Variants in RDM1 observed in about 807,000 individuals in gnomAD.
RDM1 encodes RAD52 motif containing 1, also known as RAD52 motif-containing protein 1.
Under a neutral mutation model 27.7 loss-of-function variants are expected in RDM1, and 28 were observed. That is an observed-to-expected ratio of 1.01 (90% confidence interval 0.75 to 1.39). The LOEUF (loss-of-function observed/expected upper bound fraction) is 1.39, where lower values mean the gene tolerates loss of function less well. RDM1 is among the 40% of genes most tolerant of loss of function. The probability of loss-of-function intolerance (pLI) is 0.00; values close to 1 mark genes in which losing one functional copy is unlikely to be tolerated. For missense variants in RDM1, 277 were observed against 337.3 expected (o/e 0.82, Z 1.40); for synonymous variants, 124 against 127.5 (o/e 0.97, Z 0.19).
chr17:35,918,366 C>T lies in RDM1; in HGVS notation c.831G>A (p.Glu277=). Residue 277 remains glutamate (E), a synonymous_variant, in exon 7 of 7, where the codon GAG becomes GAA. Transcript: ENST00000620284. ...YLSDFSLEEE[E]FRLPELD is the part of the protein sequence containing the mutation. ...GCTAGTCAAGTTCTGGCAGCCTGAA[C>T]TCTTCCTCCTCCAAGCTGAAATCCG... 1 of 1,613,972 alleles carries T rather than the reference C, an allele frequency of 6.2e-7. No individual in the cohort carries two copies. Among genetic ancestry groups the T allele is most frequent in the Non-Finnish European group, 8.5e-7 (1 of 1,179,996 alleles).
chr17:35,922,387 T>C, intron 5 of RDM1, 190 bp downstream of exon 5: 1 of 657,000 alleles, frequency 1.5e-6, no homozygotes, highest in Non-Finnish European at 2.4e-6. Flanking sequence ...GGGGACAATA[T>C]TTGCTGTCAT....
Position 35,925,533 on chromosome 17 carries a change from A to C in RDM1, c.381T>G (p.Cys127Trp), listed in dbSNP as rs2251660. Reference sequence around the variant, plus strand: ...GGTTTACCTTGATGATCCTTTTGGAACACCCATTGAAACCAAAGTAGTAAT... The same window carrying C: ...GGTTTACCTTGATGATCCTTTTGGACCACCCATTGAAACCAAAGTAGTAAT... ...LANYYFGFNG[C>W]SKRIIKLQEL... Residue 127 changes from cysteine (C) to tryptophan (W), a missense_variant, in exon 3 of 7, where the codon TGT (cysteine) becomes TGG (tryptophan). Cys to Trp is a radical substitution (Grantham distance 215, BLOSUM62 -2). Coordinates refer to ENST00000620284, the MANE Select transcript of RDM1 (RefSeq NM_145654.4). 280,855 of 1,612,778 alleles carry C rather than the reference A, an allele frequency of 0.17. 28,387 individuals carry two copies. The highest frequency in any genetic ancestry group is 0.43 in the African/African-American group (32,339 of 74,902).
chr17:35,921,088 T>C (rs1014668079), intron 5 of RDM1, among the ~76,000 whole-genome samples: 2 of 152,210 alleles, frequency 1.3e-5, no homozygotes, highest in African/African-American at 4.8e-5. Flanking sequence ...GAACATTTTA[T>C]TGGCAGACAC....
chr17:35,926,208 C>CTCAAA (rs1265733163), intron 2 of RDM1, among the ~76,000 whole-genome samples: 46 of 151,572 alleles, frequency 3.0e-4, no homozygotes, highest in African/African-American at 9.7e-4. Context: ...TCTGCATTTA[C>CTCAAA]GTGCTTCTTT....
intron 4 of RDM1, 39 bp downstream of exon 4, chr17:35,924,564 TC>T: frequency 6.4e-7 from 1 of 1,573,636 alleles, no homozygotes; most frequent in Non-Finnish European, 8.6e-7. Context: ...TCCTTTCCAC[TC>T]CAAATCCCTA....
At chr17:35,918,767 G>T (rs2088833254) in intron 6 of RDM1, among the ~76,000 whole-genome samples, 1 of 152,166 alleles carries the variant, frequency 6.6e-6, no homozygotes, top group African/African-American at 2.4e-5. Context: ...GGCTTAGGTT[G>T]TTAAAGTCAG....
At chr17:35,922,319 G>A in intron 5 of RDM1, 1 of 472,958 alleles carries the variant, frequency 2.1e-6, no homozygotes, top group Non-Finnish European at 3.7e-6. Context: ...AATTAAAGAA[G>A]ACCTGGCTTA....
Position 35,920,247 on chromosome 17 carries a change from G to C in RDM1, c.693C>G (p.Tyr231Ter), listed in dbSNP as rs1190223967. The C allele has an allele frequency of 6.3e-7, 1 of 1,589,962 alleles. No homozygotes were observed. Among genetic ancestry groups the C allele is most frequent in the Non-Finnish European group, 8.6e-7 (1 of 1,163,300 alleles). ...CACCTACGATGTCTTCACTGGGTCTGTACTCCACAGCTATTTTACCACTTT... is the reference window on the plus strand; with the variant it reads ...CACCTACGATGTCTTCACTGGGTCTCTACTCCACAGCTATTTTACCACTTT... ...VLESGKIAVE[Y>*]RPSEDIVGVR... is the part of the protein sequence containing the mutation. The change falls in exon 6 of 7, where the codon TAC becomes TAG. Residue 231 changes from tyrosine (Y) to a stop codon, truncating the protein, a stop_gained. Coordinates refer to ENST00000620284, the MANE Select transcript of RDM1 (RefSeq NM_145654.4). LOFTEE classifies it high-confidence loss of function.
At chr17:35,922,545 A>G in intron 5 of RDM1, 32 bp downstream of exon 5, 2 of 1,591,154 alleles carry the variant, frequency 1.3e-6, no homozygotes, top group Non-Finnish European at 1.7e-6. Context: ...ACTGAAACTG[A>G]AGTACTTCAA....
chr17:35,924,862 G>T, intron 3 of RDM1, 90 bp from the exon 4 acceptor site: 1 of 1,361,934 alleles, frequency 7.3e-7, no homozygotes, highest in Non-Finnish European at 1.0e-6. Context: ...TTGGCTGGGC[G>T]TGGTGGTTCA....
intron 2 of RDM1, among the ~76,000 whole-genome samples, chr17:35,928,296 A>G (rs2141951963): frequency 6.6e-6 from 1 of 152,322 alleles, no homozygotes; most frequent in Non-Finnish European, 1.5e-5. Context: ...GGGTTTCTAC[A>G]ATACCGCTTA....
Position 35,918,119 on chromosome 17 carries a change from G to T in RDM1, c.*223C>A. 6.9e-6 allele frequency: 4 copies of T among 583,804 alleles called. No individual in the cohort carries two copies. Among genetic ancestry groups the T allele is most frequent in the Non-Finnish European group, 1.2e-5 (4 of 326,384 alleles). 36.2% of individuals were successfully genotyped at this position (583,804 alleles called of 1,614,324 possible). A position where few individuals can be genotyped will look rare whatever the true frequency, so the allele number is the denominator to read the frequency against. ...CTTTATTAAGTTCCGTTCGAGATCC[G>T]CTCCTCGTCACCAGGGCGATCTTAT... On this transcript the variant is annotated 3_prime_UTR_variant, in exon 7 of 7. Coordinates refer to ENST00000620284, the MANE Select transcript of RDM1 (RefSeq NM_145654.4).
chr17:35,925,718 C>A, intron 2 of RDM1, 81 bp from the exon 3 acceptor site: 1 of 1,465,336 alleles, frequency 6.8e-7, no homozygotes. Context: ...TTGTCAATAC[C>A]AAGTGTGCAA....
chr17:35,925,312 A>T lies in RDM1; in HGVS notation c.399+203T>A, dbSNP rs571798594. ...TTATTATATGCCACAAAAACAGTGGAGAAAATTACGGATACCACCATCCAA... is the reference window on the plus strand; with the variant it reads ...TTATTATATGCCACAAAAACAGTGGTGAAAATTACGGATACCACCATCCAA... On this transcript the variant is annotated intron_variant, in intron 3 of 6. Coordinates refer to ENST00000620284, the MANE Select transcript of RDM1 (RefSeq NM_145654.4). 2.0e-4 allele frequency among the ~76,000 whole-genome samples: 31 copies of T among 152,372 alleles called. No homozygotes were observed. In the South Asian group the frequency reaches 6.2e-3, roughly 31 times the overall value.
intron 6 of RDM1, among the ~76,000 whole-genome samples, chr17:35,919,253 TG>T (rs1251389865): frequency 2.7e-4 from 41 of 152,336 alleles, no homozygotes; most frequent in African/African-American, 8.4e-4. Context: ...GAATTCCATA[TG>T]TAGTAAATAA....
intron 5 of RDM1, among the ~76,000 whole-genome samples, 184 bp from the exon 6 acceptor site, chr17:35,920,456 C>CTTTTTTTT (rs60990791): frequency 4.2e-5 from 5 of 118,020 alleles, no homozygotes; most frequent in South Asian, 2.6e-4. Flanking sequence ...TTCTTTCTTT[C>CTTTTTTTT]TTTTTTTTTT....
intron 5 of RDM1, 32 bp downstream of exon 5, chr17:35,922,545 A>C: frequency 6.3e-7 from 1 of 1,591,156 alleles, no homozygotes; most frequent in Non-Finnish European, 8.5e-7. Context: ...ACTGAAACTG[A>C]AGTACTTCAA....
At chr17:35,929,352 C>T (rs2089249708) in intron 2 of RDM1, among the ~76,000 whole-genome samples, 1 of 152,234 alleles carries the variant, frequency 6.6e-6, no homozygotes, top group Non-Finnish European at 1.5e-5. Flanking sequence ...CCTCAAACTC[C>T]TGGGCTCAAG....
intron 2 of RDM1, among the ~76,000 whole-genome samples, chr17:35,926,700 G>A (rs1056871622): frequency 6.6e-6 from 1 of 152,134 alleles, no homozygotes; most frequent in Non-Finnish European, 1.5e-5. Flanking sequence ...ACTGCGCCTG[G>A]CCGTAAAGTT....
Sources: gnomAD v4.1 joint callset for allele counts (sites outside exome capture counted in the v4.1 genomes callset) on GRCh38, gnomAD v4.1.1 for gene constraint, MANE v1.5 for transcripts, NCBI Gene and HGNC (gene_info 2026-07-23, HGNC 2026-07-21) for gene names.